The following GPC6 variants were observed in gnomAD, a reference collection of about 807,000 sequenced individuals.
GPC6 encodes the protein glypican-6.
Under a neutral mutation model 55.2 loss-of-function variants are expected in GPC6, and 14 were observed. The observed-to-expected ratio is 0.25, with a 90% confidence interval of 0.17 to 0.40. The LOEUF is 0.40. Ranked by LOEUF, GPC6 falls within the 10% of genes least tolerant of loss-of-function variation. The probability of loss-of-function intolerance (pLI) is 1.00; values close to 1 mark genes in which losing one functional copy is unlikely to be tolerated. For synonymous variants in GPC6, 278 were observed against 259.6 expected, an observed-to-expected ratio of 1.07 and a Z score of -0.68; for missense variants, 641 against 708.5, an observed-to-expected ratio of 0.90 and a Z score of 1.08.
At chr13:94,048,752 A>G (rs1183547254) in intron 4 of GPC6, among the ~76,000 whole-genome samples, 1 of 152,046 alleles carries the variant, frequency 6.6e-6, no homozygotes, top group Non-Finnish European at 1.5e-5. Flanking sequence ...GGCAGATGGT[A>G]GTAGGGAGAT....
intron 3 of GPC6, among the ~76,000 whole-genome samples, chr13:94,003,158 G>A (rs187981546): frequency 1.4e-3 from 209 of 152,258 alleles, no homozygotes; most frequent in African/African-American, 4.2e-3. Flanking sequence ...GGAGCGTGGC[G>A]TGTGCTTTCT....
chr13:94,379,671 G>A (rs1434725170), intron 6 of GPC6, among the ~76,000 whole-genome samples: 1 of 152,114 alleles, frequency 6.6e-6, no homozygotes, highest in African/African-American at 2.4e-5. Flanking sequence ...CATGTACTGT[G>A]TGCTTAGACC....
At chr13:93,570,412 A>C (rs1024784401) in intron 2 of GPC6, among the ~76,000 whole-genome samples, 1 of 152,144 alleles carries the variant, frequency 6.6e-6, no homozygotes, top group Admixed American at 6.6e-5. Flanking sequence ...ATGGGAAAAC[A>C]CCAGCATTAT....
rs746189445 is a variant in GPC6 at position 93,830,412 on chromosome 13, A to T, written c.578A>T (p.Tyr193Phe). The change falls in exon 3 of 9, where the codon TAC becomes TTC. Residue 193 changes from tyrosine (Y) to phenylalanine (F), a missense_variant. By Grantham distance (22) the Tyr-to-Phe change is conservative. Coordinates refer to ENST00000377047, the MANE Select transcript of GPC6 (RefSeq NM_005708.5). ...GACTACCTGGAATGTGTGAGCAAAT[A>T]CACTGACCAGCTCAAGCCATTTGGA... is the stretch of plus-strand genomic sequence containing the variant. ...SEDYLECVSK[Y>F]TDQLKPFGDV... is the part of the protein sequence containing the mutation. The T allele has an allele frequency of 2.5e-5, 40 of 1,613,958 alleles. No homozygotes were observed. The South Asian group carries it at 4.3e-4, about 17-fold the overall frequency.
In GPC6 at chr13:93,510,840, G is replaced by A. The variant is rs571204639; in HGVS notation, c.161-34423G>A. ...CTTTCTAAGACTAGCTATTCTGACCGGGGTAAGATGATATCTCATTGTGGT... is the reference window on the plus strand; with the variant it reads ...CTTTCTAAGACTAGCTATTCTGACCAGGGTAAGATGATATCTCATTGTGGT... On this transcript the variant is annotated intron_variant, in intron 1 of 8. Coordinates refer to ENST00000377047, the MANE Select transcript of GPC6 (RefSeq NM_005708.5). Among the ~76,000 whole-genome samples, 189 of 148,930 alleles carry A rather than the reference G, an allele frequency of 1.3e-3. 1 individual carries two copies. The highest frequency in any genetic ancestry group is 1.8e-3 in the Non-Finnish European group (119 of 67,242).
intron 3 of GPC6, among the ~76,000 whole-genome samples, chr13:94,004,620 A>G (rs540747617): frequency 6.6e-6 from 1 of 152,352 alleles, no homozygotes; most frequent in South Asian, 2.1e-4. Flanking sequence ...AGATTTATCA[A>G]TGAAGAAGAT....
intron 1 of GPC6, among the ~76,000 whole-genome samples, chr13:93,273,517 G>A (rs573479580): frequency 6.6e-6 from 1 of 152,144 alleles, no homozygotes; most frequent in East Asian, 2.0e-4. Flanking sequence ...AATTAGCCGG[G>A]CGTGGTGGTG....
intron 4 of GPC6, among the ~76,000 whole-genome samples, chr13:94,036,332 T>G (rs1883331353): frequency 6.6e-6 from 1 of 152,118 alleles, no homozygotes; most frequent in Admixed American, 6.6e-5. Flanking sequence ...ATTTTTTTCT[T>G]TGCATAGATT....
intron 3 of GPC6, among the ~76,000 whole-genome samples, chr13:93,997,049 G>A (rs774701829): frequency 4.6e-5 from 7 of 152,124 alleles, no homozygotes; most frequent in Non-Finnish European, 7.3e-5. Context: ...CTTAGCAGAG[G>A]ATCAAGGTCA....
intron 4 of GPC6, among the ~76,000 whole-genome samples, chr13:94,133,280 A>C (rs1030121253): frequency 5.9e-5 from 9 of 151,600 alleles, no homozygotes; most frequent in East Asian, 1.9e-4. Flanking sequence ...AAAAAAAAAA[A>C]AAAAAAAAAA....
At chr13:93,466,903 A>G (rs555737608) in intron 1 of GPC6, among the ~76,000 whole-genome samples, 7 of 152,332 alleles carry the variant, frequency 4.6e-5, no homozygotes, top group Admixed American at 3.3e-4. Flanking sequence ...CACTCAGTCC[A>G]AATCTGACCT....
At chr13:94,394,093 C>A (rs532785438) in intron 7 of GPC6, among the ~76,000 whole-genome samples, 1 of 152,166 alleles carries the variant, frequency 6.6e-6, no homozygotes, top group Non-Finnish European at 1.5e-5. Flanking sequence ...CTACCCTAAT[C>A]GGTTCTAATG....
intron 1 of GPC6, among the ~76,000 whole-genome samples, chr13:93,530,583 G>T (rs1411121839): frequency 6.6e-6 from 1 of 152,092 alleles, no homozygotes; most frequent in Admixed American, 6.6e-5. Context: ...GGAGTGGCAT[G>T]CTAGAACCGG....
intron 4 of GPC6, among the ~76,000 whole-genome samples, chr13:94,068,920 G>T (rs550647787): frequency 6.6e-6 from 1 of 152,194 alleles, no homozygotes; most frequent in African/African-American, 2.4e-5. Context: ...CAGGTGCACA[G>T]TGCAAGCTAT....
chr13:93,297,065 G>A (rs1307682552), intron 1 of GPC6, among the ~76,000 whole-genome samples: 1 of 152,178 alleles, frequency 6.6e-6, no homozygotes, highest in African/African-American at 2.4e-5. Flanking sequence ...TCAGCCGCCA[G>A]ATGCGTTCCT....
chr13:93,269,779 A>C (rs1877450501), intron 1 of GPC6, among the ~76,000 whole-genome samples: 1 of 150,912 alleles, frequency 6.6e-6, no homozygotes, highest in Admixed American at 6.6e-5. Flanking sequence ...CCAAAAAAAA[A>C]AAAAAAAAAA....
chr13:93,691,890 C>A (rs902480349), intron 2 of GPC6, among the ~76,000 whole-genome samples: 6 of 151,946 alleles, frequency 3.9e-5, no homozygotes, highest in Admixed American at 3.9e-4. Context: ...AAGTTTCAGA[C>A]ACATGGATTT....
intron 4 of GPC6, among the ~76,000 whole-genome samples, chr13:94,190,836 A>G (rs2138961907): frequency 6.6e-6 from 1 of 152,274 alleles, no homozygotes; most frequent in South Asian, 2.1e-4. Context: ...GCATATATGA[A>G]TACATTCTCA....
chr13:94,398,624 T>A lies in GPC6; in HGVS notation c.1448T>A (p.Val483Asp), dbSNP rs1380709083. Residue 483 changes from valine to aspartate, a missense_variant, in exon 8 of 9, where the codon GTC becomes GAC. Physicochemically the swap from Val to Asp is radical, Grantham distance 152. Coordinates refer to ENST00000377047, the MANE Select transcript of GPC6 (RefSeq NM_005708.5). Reference sequence around the variant, plus strand: ...AAAAACGCCTACAATGGCAATGATGTCAATTTCCAGGACACAAGTAAGAAA... The same window carrying A: ...AAAAACGCCTACAATGGCAATGATGACAATTTCCAGGACACAAGTAAGAAA... ...KLKNAYNGND[V>D]NFQDTSDESS... The A allele has an allele frequency of 1.9e-6, 3 of 1,613,982 alleles. No homozygotes were observed. Among genetic ancestry groups the A allele is most frequent in the African/African-American group, 2.7e-5 (2 of 74,936 alleles).
Sources: allele counts gnomAD v4.1 joint callset (sites outside exome capture counted in the v4.1 genomes callset), GRCh38; gene constraint gnomAD v4.1.1; transcripts MANE v1.5; gene names NCBI Gene and HGNC (gene_info 2026-07-23, HGNC 2026-07-21).